XRCC3: variants seen among roughly 807,000 people sequenced by gnomAD.
XRCC3 encodes X-ray repair cross complementing 3, also known as DNA repair protein XRCC3.
In XRCC3, 34 loss-of-function variants were observed where a neutral mutation model predicts 29.2. The observed-to-expected ratio is 1.16, with a 90% CI of 0.88 to 1.55. The LOEUF is 1.55. Ranked by LOEUF, XRCC3 falls within the 40% of genes most tolerant of loss-of-function variation. The pLI is 0.00. For missense variants in XRCC3, 463 were observed against 467.6 expected (o/e 0.99, Z 0.09); for synonymous variants, 223 against 211.3 (o/e 1.06, Z -0.48).
Position 103,699,439 on chromosome 14 carries a change from C to G in XRCC3, c.699G>C (p.Arg233Ser). 1 of 1,612,880 alleles carries G rather than the reference C, an allele frequency of 6.2e-7. No homozygotes were observed. The highest frequency in any genetic ancestry group is 1.1e-5 in the South Asian group (1 of 91,074). Residue 233 changes from arginine to serine, a missense_variant, in exon 8 of 10, where the codon AGG becomes AGC. Transcript: ENST00000555055. ...FDSQASAPRARHLQSLGATLR... is the reference protein window; with the variant it reads ...FDSQASAPRASHLQSLGATLR... Reference sequence around the variant, plus strand: ...GCGTGGCCCCCAGGGACTGCAGATGCCTGGCCCTGGGGGCGGAGGCCTGGC... The same window carrying G: ...GCGTGGCCCCCAGGGACTGCAGATGGCTGGCCCTGGGGGCGGAGGCCTGGC...
intron 8 of XRCC3, 73 bp from the exon 9 acceptor site, chr14:103,699,252 G>A (rs1406888523): frequency 1.4e-5 from 22 of 1,539,340 alleles, no homozygotes; most frequent in Admixed American, 9.8e-5. Context: ...GCTGCTACCC[G>A]CAGGAGCCGG....
chr14:103,706,474 A>T (rs1219572989), intron 6 of XRCC3: 1 of 446,036 alleles, frequency 2.2e-6, no homozygotes, highest in East Asian at 7.0e-5. Flanking sequence ...TCTCCTCCTC[A>T]CAGCTCACAG....
chr14:103,699,246 C>T (rs989165390), intron 8 of XRCC3, 67 bp from the exon 9 acceptor site: 5 of 1,540,490 alleles, frequency 3.2e-6, no homozygotes, highest in South Asian at 2.4e-5. Flanking sequence ...GCACAGGCTG[C>T]TACCCGCAGG....
chr14:103,709,127 G>T (rs565682302), intron 4 of XRCC3: 28 of 303,174 alleles, frequency 9.2e-5, no homozygotes, highest in African/African-American at 5.7e-4. Flanking sequence ...CCTGGGGAGG[G>T]GAGCGCTGGG....
Position 103,707,224 on chromosome 14 carries a change from C to G in XRCC3, c.194-9G>C. 6.5e-7 allele frequency: 1 copy of G among 1,548,474 alleles called. No individual in the cohort carries two copies. Among genetic ancestry groups the G allele is most frequent in the Non-Finnish European group, 8.7e-7 (1 of 1,146,656 alleles). On this transcript the variant is annotated splice_polypyrimidine_tract_variant and intron_variant, in intron 5 of 9. Coordinates refer to ENST00000555055, the MANE Select transcript of XRCC3 (RefSeq NM_005432.4). ...CTGGTGCAGCTGCAGTGCTAAAGGG[C>G]AGGGATAGTGTCAGGCCTGACTCTC...
chr14:103,714,481 A>G (rs1457099764), intron 1 of XRCC3, among the ~76,000 whole-genome samples: 1 of 151,956 alleles, frequency 6.6e-6, no homozygotes, highest in Non-Finnish European at 1.5e-5. Context: ...AAAAAAAAAA[A>G]AAGAAAAATA....
chr14:103,711,686 T>TG, intron 2 of XRCC3, 119 bp from the exon 3 acceptor site: 1 of 456,236 alleles, frequency 2.2e-6, no homozygotes, highest in Admixed American at 2.3e-5. Flanking sequence ...GAAGGTGCTG[T>TG]GGACCCCACC....
Position 103,699,508 on chromosome 14 carries a change from C to T in XRCC3, c.630G>A (p.Val210=). The T allele has an allele frequency of 1.2e-6, 2 of 1,613,118 alleles. No homozygotes were observed. Among genetic ancestry groups the T allele is most frequent in the Non-Finnish European group, 1.7e-6 (2 of 1,179,978 alleles). The change falls in exon 8 of 10, where the codon GTG becomes GTA. Residue 210 remains valine, a synonymous_variant. Coordinates refer to ENST00000555055, the MANE Select transcript of XRCC3 (RefSeq NM_005432.4). ...ATGGGGCTGCCACCGAGTCGATGACCACCAGGCGAGCCATGCCCCGAGACA... is the reference window on the plus strand; with the variant it reads ...ATGGGGCTGCCACCGAGTCGATGACTACCAGGCGAGCCATGCCCCGAGACA... ...VLLSRGMARL[V]VIDSVAAPFR...
intron 4 of XRCC3, 157 bp from the exon 5 acceptor site, chr14:103,708,816 ACCCTGGACACAGTGTGGCCGATG>A (rs2083530662): frequency 2.1e-6 from 2 of 948,878 alleles, no homozygotes; most frequent in African/African-American, 3.3e-5. Context: ...CTCCCTGGAA[ACCCTGGACACAGTGTGGCCGATG>A]CACAGGCACG....
intron 7 of XRCC3, chr14:103,701,831 A>T (rs1307755705): frequency 6.6e-6 from 1 of 151,010 alleles, no homozygotes; most frequent in Non-Finnish European, 1.5e-5. Flanking sequence ...CTGAGATTGC[A>T]CCACTGTACT....
chr14:103,707,137 G>C lies in XRCC3; in HGVS notation c.272C>G (p.Ala91Gly), dbSNP rs1347713264. 6 of 1,549,662 alleles carry C rather than the reference G, an allele frequency of 3.9e-6. No individual in the cohort carries two copies. Among genetic ancestry groups the C allele is most frequent in the Admixed American group, 2.0e-5 (1 of 51,018 alleles). Reference sequence around the variant, plus strand: ...CAGGGGCAGGCCACCGCGGAGCAGCGCGTCCAGCACCGGGCAGCCCAGGCT... The same window carrying C: ...CAGGGGCAGGCCACCGCGGAGCAGCCCGTCCAGCACCGGGCAGCCCAGGCT... The part of the protein sequence containing the change: ...RLSLGCPVLD[A>G]LLRGGLPLDG... Residue 91 changes from alanine to glycine, a missense_variant, in exon 6 of 10, where the codon GCG becomes GGG. Ala to Gly is a moderately conservative substitution (Grantham distance 60). Coordinates refer to ENST00000555055, the MANE Select transcript of XRCC3 (RefSeq NM_005432.4).
intron 3 of XRCC3, 61 bp downstream of exon 3, chr14:103,711,405 G>A: frequency 3.5e-6 from 2 of 574,126 alleles, no homozygotes; most frequent in Non-Finnish European, 6.6e-6. Context: ...TTTACCTCCT[G>A]TGGAAAGTGC....
At chr14:103,702,616 A>G (rs2083269049) in intron 7 of XRCC3, 1 of 169,824 alleles carries the variant, frequency 5.9e-6, no homozygotes, top group African/African-American at 2.4e-5. Context: ...GTTGATCTGA[A>G]TATGGGCATC....
At chr14:103,710,919 A>G (rs1410673440) in intron 4 of XRCC3, 114 bp downstream of exon 4, 3 of 1,027,380 alleles carry the variant, frequency 2.9e-6, no homozygotes, top group African/African-American at 3.2e-5. Flanking sequence ...CCTCGGTTTA[A>G]TAATCAGGGT....
rs77103957 is a variant in XRCC3 at position 103,698,259 on chromosome 14, C to T, written c.*539G>A. The T allele has an allele frequency of 0.014, 2,491 of 176,730 alleles. 65 individuals carry two copies. The highest frequency in any genetic ancestry group is 0.055 in the African/African-American group (2,318 of 41,902). 10.9% of individuals were successfully genotyped at this position (176,730 alleles called of 1,614,324 possible). On this transcript the variant is annotated 3_prime_UTR_variant, in exon 10 of 10. Coordinates refer to ENST00000555055, the MANE Select transcript of XRCC3 (RefSeq NM_005432.4). The stretch of plus-strand genomic sequence containing the variant: ...CACAGTGTGTGCCGAGGTGGGGCCC[C>T]CGGGAGCCAAGGACCCAGAGGTGGG...
chr14:103,711,854 C>T (rs1183606128), intron 2 of XRCC3: 4 of 373,424 alleles, frequency 1.1e-5, no homozygotes, highest in Non-Finnish European at 2.1e-5. Context: ...TCTGCATCCC[C>T]TGTCGGCCTC....
At chr14:103,711,001 C>T (rs1393917963) in intron 4 of XRCC3, 32 bp downstream of exon 4, 1 of 1,612,432 alleles carries the variant, frequency 6.2e-7, no homozygotes, top group East Asian at 2.2e-5. Flanking sequence ...CACACCCACC[C>T]ACACCCTTTA....
chr14:103,708,400 A>C lies in XRCC3; in HGVS notation c.193+122T>G, dbSNP rs1257983520. Reference sequence around the variant, plus strand: ...AAGATGGGAACTCTGGGGCTGGAGCAGCTGCCACACGCCCTGAGGCTGGTC... The same window carrying C: ...AAGATGGGAACTCTGGGGCTGGAGCCGCTGCCACACGCCCTGAGGCTGGTC... On this transcript the variant is annotated intron_variant, in intron 5 of 9. Coordinates refer to ENST00000555055, the MANE Select transcript of XRCC3 (RefSeq NM_005432.4). The C allele has an allele frequency of 4.2e-5, 60 of 1,421,312 alleles. 1 individual carries two copies. In the South Asian group the frequency reaches 7.0e-4, roughly 17 times the overall value. The allele number at this position is 1,421,312 out of a possible 1,614,324, so 88.0% of individuals were successfully genotyped here. A position where few individuals can be genotyped will look rare whatever the true frequency, so the allele number is the denominator to read the frequency against.
At chr14:103,706,873 GAGA>G (rs1193077082) in intron 6 of XRCC3, 127 bp downstream of exon 6, 5 of 1,053,868 alleles carry the variant, frequency 4.7e-6, no homozygotes, top group South Asian at 2.7e-5. Context: ...CAATCAGGGT[GAGA>G]AGGAGGGAGA....
Sources: gnomAD v4.1 joint callset for allele counts (sites outside exome capture counted in the v4.1 genomes callset) on GRCh38, gnomAD v4.1.1 for gene constraint, MANE v1.5 for transcripts, NCBI Gene and HGNC (gene_info 2026-07-23, HGNC 2026-07-21) for gene names.